TRAPPC2L: variants seen among roughly 807,000 people sequenced by gnomAD.
TRAPPC2L encodes trafficking protein particle complex subunit 2-like protein.
Under a neutral mutation model 13.2 loss-of-function variants are expected in TRAPPC2L, and 17 were observed. That is an observed-to-expected ratio of 1.29 (90% confidence interval 0.88 to 1.93). The LOEUF (loss-of-function observed/expected upper bound fraction) is 1.93, where lower values mean the gene tolerates loss of function less well. TRAPPC2L is among the 30% of genes most tolerant of loss of function. The probability of loss-of-function intolerance (pLI) is 0.00; values close to 1 mark genes in which losing one functional copy is unlikely to be tolerated. For synonymous variants in TRAPPC2L, 150 were observed against 98.1 expected, an observed-to-expected ratio of 1.53 and a Z score of -3.12; for missense variants, 359 against 252.1, an observed-to-expected ratio of 1.42 and a Z score of -2.87.
At chr16:88,860,009 T>G in exon 4 of TRAPPC2L, 1 of 1,594,410 alleles carries the variant, frequency 6.3e-7, no homozygotes, top group Non-Finnish European at 8.6e-7. Context: ...ACCTTCTTTC[T>G]GTAGGACATG....
At position 88,860,024 on chromosome 16, in the gene TRAPPC2L, G is replaced by A. The variant is rs140418381; in HGVS notation, c.426G>A (p.Leu142=). Residue 142 remains leucine (L), a synonymous_variant, in exon 4 of 4, where the codon TTG becomes TTA. Coordinates refer to ENST00000565504, the Ensembl canonical transcript of TRAPPC2L. ...ACCTTCTTTCTGTAGGACATGCCTT[G>A]CCATTTTGGTTGCCAAAATGCAACC... 984 of 1,577,148 alleles carry A rather than the reference G, an allele frequency of 6.2e-4. 8 individuals are homozygous for A. The African/African-American group carries it at 0.012, about 19-fold the overall frequency.
chr16:88,856,396 G>A (rs1967883063), upstream of TRAPPC2L: 38 of 701,728 alleles, frequency 5.4e-5, 4 homozygotes, highest in South Asian at 5.0e-4. Flanking sequence ...CAAGAGTAGA[G>A]GGCGGGAAAG....
upstream of TRAPPC2L, chr16:88,857,116 C>T (rs746390863): frequency 1.1e-5 from 17 of 1,533,146 alleles, no homozygotes; most frequent in African/African-American, 1.4e-5. Context: ...AGCGGCGGGT[C>T]ACGTGACGCG....
chr16:88,858,758 T>C (rs1968165337), exon 2 of TRAPPC2L: 1 of 1,613,330 alleles, frequency 6.2e-7, no homozygotes, highest in Non-Finnish European at 8.5e-7. Context: ...GAGCTGTACC[T>C]GGGCCTGCTC....
chr16:88,859,342 C>T (rs1968210855), intron 2 of TRAPPC2L: 2 of 675,664 alleles, frequency 3.0e-6, no homozygotes, highest in East Asian at 2.8e-5. Flanking sequence ...TCTGGTTTTG[C>T]AGTTAACTTT....
chr16:88,861,616 G>T, exon 4 of TRAPPC2L: 1 of 490,134 alleles, frequency 2.0e-6, no homozygotes, highest in Non-Finnish European at 4.2e-6. Flanking sequence ...TGAGGGGGTT[G>T]GGTGCTGTGT....
At chr16:88,862,602 G>C (rs1293377960) in exon 4 of TRAPPC2L, 1 of 152,268 alleles carries the variant, frequency 6.6e-6, no homozygotes, top group African/African-American at 2.4e-5. Context: ...GGCCTTTGCT[G>C]ACATACCAGC....
chr16:88,862,252 T>G (rs1052714273), exon 4 of TRAPPC2L: 9 of 152,544 alleles, frequency 5.9e-5, no homozygotes, highest in African/African-American at 1.9e-4. Context: ...CCATTCTCTT[T>G]CCTCCGTACT....
chr16:88,861,412 G>C, exon 4 of TRAPPC2L: 1 of 347,628 alleles, frequency 2.9e-6, no homozygotes. Context: ...GCTTCCCACA[G>C]GGGAGGGCCC....
At position 88,860,534 on chromosome 16, in the gene TRAPPC2L, G is replaced by A. The variant is rs569605920; in HGVS notation, c.*210G>A. On this transcript the variant is annotated 3_prime_UTR_variant, in exon 4 of 4. Coordinates refer to ENST00000565504, the Ensembl canonical transcript of TRAPPC2L. ...GAGGACGCTGCAGTGATCCAAGGCA[G>A]GCCCCTCCCTCCACCAGGACACTGT... 24 of 593,542 alleles carry A rather than the reference G, an allele frequency of 4.0e-5. No homozygotes were observed. The African/African-American group carries it at 4.3e-4, about 11-fold the overall frequency. The allele number at this position is 593,542 out of a possible 1,614,324, so 36.8% of individuals were successfully genotyped here.
At chr16:88,861,171 G>T (rs1313283043) in exon 4 of TRAPPC2L, 3 of 589,188 alleles carry the variant, frequency 5.1e-6, no homozygotes, top group Non-Finnish European at 9.1e-6. Flanking sequence ...TTCAACTAAG[G>T]ACTTTTCTGG....
intron 2 of TRAPPC2L, chr16:88,859,159 T>G (rs11076728): frequency 0.37 from 160,054 of 430,280 alleles, 32,384 homozygotes; most frequent in African/African-American, 0.62. Flanking sequence ...GCCTTGCCTC[T>G]TATGTCACTA....
intron 2 of TRAPPC2L, chr16:88,859,046 A>G (rs1036356432): frequency 1.9e-6 from 1 of 529,582 alleles, no homozygotes; most frequent in Non-Finnish European, 3.4e-6. Flanking sequence ...TTGCAGAGGA[A>G]GTGGGACACT....
At chr16:88,858,199 G>T (rs150365320) in intron 1 of TRAPPC2L, among the ~76,000 whole-genome samples, 3 of 152,154 alleles carry the variant, frequency 2.0e-5, no homozygotes, top group African/African-American at 7.2e-5. Flanking sequence ...GTCTTGAAGG[G>T]TTTAGTAAAA....
chr16:88,857,309 T>G (rs1184637656), intron 1 of TRAPPC2L, 126 bp downstream of exon 1: 1 of 922,636 alleles, frequency 1.1e-6, no homozygotes, highest in South Asian at 1.8e-5. Context: ...TTCGCCGAGC[T>G]CCAGCGGTCA....
exon 4 of TRAPPC2L, chr16:88,860,749 C>G: frequency 1.4e-6 from 1 of 730,824 alleles, no homozygotes; most frequent in Admixed American, 2.2e-5. Context: ...TCTCAGTGCC[C>G]GGTGGGGTGG....
chr16:88,856,875 C>T (rs2143013681), upstream of TRAPPC2L: 1 of 1,508,798 alleles, frequency 6.6e-7, no homozygotes, highest in South Asian at 1.2e-5. Context: ...CAACCGCCGC[C>T]ATGGCAACCA....
At chr16:88,861,259 C>T (rs777421785) in exon 4 of TRAPPC2L, 7 of 443,662 alleles carry the variant, frequency 1.6e-5, no homozygotes, top group Non-Finnish European at 2.5e-5. Context: ...GGCAGGGGTG[C>T]CTGGAGCCAA....
In TRAPPC2L at chr16:88,857,738, C is replaced by T. The variant is rs142042286; in HGVS notation, c.33+555C>T. 2.3e-3 allele frequency among the ~76,000 whole-genome samples: 353 copies of T among 152,360 alleles called. 1 individual carries two copies. Among genetic ancestry groups the T allele is most frequent in the African/African-American group, 8.0e-3 (333 of 41,574 alleles). ...TCTGCAGCTCCCTGGACATGCTCTG[C>T]CCTCTCACCTGTGGGCCTTTGCACG... is the stretch of plus-strand genomic sequence containing the variant. On this transcript the variant is annotated intron_variant, in intron 1 of 3. Transcript: ENST00000565504.
Sources: gnomAD v4.1 joint callset for allele counts (sites outside exome capture counted in the v4.1 genomes callset) on GRCh38, gnomAD v4.1.1 for gene constraint, MANE v1.5 for transcripts, NCBI Gene and HGNC (gene_info 2026-07-23, HGNC 2026-07-21) for gene names.